Variants in P4HTM observed in about 807,000 individuals in gnomAD.
The protein encoded by P4HTM is prolyl 4-hydroxylase, transmembrane.
Under a neutral mutation model 55.3 loss-of-function variants are expected in P4HTM, and 33 were observed. That is an observed-to-expected ratio of 0.60 (90% CI 0.45 to 0.80). The LOEUF is 0.80. P4HTM is among the 30% of genes least tolerant of loss of function. P4HTM has a pLI of 0.00. For missense variants in P4HTM, 542 were observed against 696.5 expected (o/e 0.78, Z 2.50); for synonymous variants, 272 against 286.4 (o/e 0.95, Z 0.51).
intron 4 of P4HTM, 43 bp from the exon 5 acceptor site, chr3:49,004,055 C>G: frequency 6.5e-7 from 1 of 1,530,654 alleles, no homozygotes; most frequent in South Asian, 1.2e-5. Context: ...TGTTGCCTCC[C>G]AATATGGGCT....
chr3:48,993,413 C>A lies in P4HTM; in HGVS notation c.436+2499C>A, dbSNP rs181970159. Among the ~76,000 whole-genome samples, 300 of 152,192 alleles carry A rather than the reference C, an allele frequency of 2.0e-3. 2 individuals are homozygous for A. Among genetic ancestry groups the A allele is most frequent in the African/African-American group, 6.8e-3 (284 of 41,536 alleles). On this transcript the variant is annotated intron_variant, in intron 2 of 8. Transcript: ENST00000383729. ...GGAACTAATACTCACCCCATTACTA[C>A]TACACTACTAACGACTACTATGAAC... is the stretch of plus-strand genomic sequence containing the variant.
rs370271741 is a variant in P4HTM at position 48,990,520 on chromosome 3, C to T, written c.264C>T (p.Asp88=). The T allele has an allele frequency of 4.3e-5, 69 of 1,611,054 alleles. No individual in the cohort carries two copies. Among genetic ancestry groups the T allele is most frequent in the Non-Finnish European group, 5.5e-5 (65 of 1,179,398 alleles). ...TCTTCGTGCACTACAGCAACGGCGA[C>T]GAAAGCAGCGATCCCGGGCCCCAAC... ...LLLFVHYSNG[D]ESSDPGPQHR... The change falls in exon 1 of 9, where the codon GAC becomes GAT. Residue 88 remains aspartate, a synonymous_variant. Transcript: ENST00000383729. This position sits in a 1 kb window ranked among gnomAD's most constrained non-coding sequence, Gnocchi z 7.2.
chr3:48,995,272 T>C (rs1367108630), intron 2 of P4HTM, among the ~76,000 whole-genome samples: 1 of 152,174 alleles, frequency 6.6e-6, no homozygotes, highest in African/African-American at 2.4e-5. Flanking sequence ...AGGGCCTTTG[T>C]ATGTACTATT....
In P4HTM at chr3:48,990,724, C is replaced by A; in HGVS notation, c.355-109C>A. 6.8e-7 allele frequency: 1 copy of A among 1,472,824 alleles called. No homozygotes were observed. Among genetic ancestry groups the A allele is most frequent in the Non-Finnish European group, 9.2e-7 (1 of 1,090,020 alleles). 91.2% of individuals were successfully genotyped at this position (1,472,824 alleles called of 1,614,324 possible). On this transcript the variant is annotated intron_variant, in intron 1 of 8. Transcript: ENST00000383729. The surrounding 1 kb of genome is among the most constrained non-coding windows in gnomAD (Gnocchi z 7.2). The stretch of plus-strand genomic sequence containing the variant: ...CCGGCGCTGCTCTGCGTCGGTCCCG[C>A]GCGCTCCCACTCACTCGCCTGCTGT...
At chr3:48,995,378 G>A (rs978491015) in intron 2 of P4HTM, among the ~76,000 whole-genome samples, 1 of 152,270 alleles carries the variant, frequency 6.6e-6, no homozygotes, top group Non-Finnish European at 1.5e-5. Flanking sequence ...GAGACCTCTT[G>A]TCCTCAAACC....
In P4HTM at chr3:48,990,702, G is replaced by A; in HGVS notation, c.354+92G>A. 6.9e-7 allele frequency: 1 copy of A among 1,455,694 alleles called. No individual in the cohort carries two copies. The highest frequency in any genetic ancestry group is 9.2e-7 in the Non-Finnish European group (1 of 1,088,438). The allele number at this position is 1,455,694 out of a possible 1,614,324, so 90.2% of individuals were successfully genotyped here. A position where few individuals can be genotyped will look rare whatever the true frequency, so the allele number is the denominator to read the frequency against. ...AGCCCGGGTCCCCACGCTGCCCCCG[G>A]CGCTGCTCTGCGTCGGTCCCGCGCG... On this transcript the variant is annotated intron_variant, in intron 1 of 8. Coordinates refer to ENST00000383729, the MANE Select transcript of P4HTM (RefSeq NM_177939.3). The surrounding 1 kb of genome is among the most constrained non-coding windows in gnomAD (Gnocchi z 7.2).
upstream of P4HTM, chr3:48,990,212 C>G: frequency 7.0e-6 from 8 of 1,141,178 alleles, no homozygotes; most frequent in Non-Finnish European, 8.6e-6. The surrounding 1 kb of genome is among the most constrained non-coding windows in gnomAD (Gnocchi z 7.2). Context: ...GCAGCGCGGG[C>G]ACCCCCGCGG....
chr3:49,005,283 C>T, intron 6 of P4HTM: 1 of 1,449,106 alleles, frequency 6.9e-7, no homozygotes. Context: ...CCCACAGACA[C>T]CAAAACTTGC....
chr3:48,998,794 C>T (rs1017236613), intron 2 of P4HTM, among the ~76,000 whole-genome samples: 1 of 152,188 alleles, frequency 6.6e-6, no homozygotes, highest in Admixed American at 6.5e-5. Flanking sequence ...CACCCAGAGG[C>T]TCTTGGGAGA....
chr3:48,991,134 A>G, intron 2 of P4HTM: 1 of 547,394 alleles, frequency 1.8e-6, no homozygotes. Context: ...CAGGGCTGGC[A>G]GGGTGAGCCT....
At chr3:49,001,396 C>T in intron 2 of P4HTM, 42 bp from the exon 3 acceptor site, 3 of 1,599,158 alleles carry the variant, frequency 1.9e-6, no homozygotes, top group Non-Finnish European at 2.6e-6. Context: ...GCACCAGCGC[C>T]CTGGCTCAGT....
chr3:48,990,425 T>C lies in P4HTM; in HGVS notation c.169T>C (p.Ser57Pro), dbSNP rs774657716. The change falls in exon 1 of 9, where the codon TCG (serine) becomes CCG (proline). Residue 57 changes from serine to proline, a missense_variant. Coordinates refer to ENST00000383729, the MANE Select transcript of P4HTM (RefSeq NM_177939.3). This position sits in a 1 kb window ranked among gnomAD's most constrained non-coding sequence, Gnocchi z 7.2. ...GCTGTGCAAGCCCCGCGGCATCTGC[T>C]CGCGCGCCTACTTCCTGGTGCTGAT... ...RPLCKPRGICSRAYFLVLMVF... is the reference protein window; with the variant it reads ...RPLCKPRGICPRAYFLVLMVF... 3 of 1,607,050 alleles carry C rather than the reference T, an allele frequency of 1.9e-6. No homozygotes were observed. Among genetic ancestry groups the C allele is most frequent in the Non-Finnish European group, 1.7e-6 (2 of 1,178,812 alleles).
At chr3:48,993,859 CA>C (rs60867672) in intron 2 of P4HTM, among the ~76,000 whole-genome samples, 1,351 of 43,776 alleles carry the variant, frequency 0.031, 7 homozygotes, top group East Asian at 0.058. Context: ...GACTCCATCA[CA>C]AAAAAAAAAA....
In P4HTM at chr3:49,001,493, G is replaced by A; in HGVS notation, c.492G>A (p.Gln164=). ...EECRLIIHLA[Q]MKGLQRSQIL... is the part of the protein sequence containing the mutation. ...GTCGGCTCATCATCCATCTGGCGCA[G>A]ATGAAGGGGTTACAGCGCAGCCAGA... The change falls in exon 3 of 9, where the codon CAG becomes CAA. Residue 164 remains glutamine (Q), a synonymous_variant. Transcript: ENST00000383729. 1 of 1,613,968 alleles carries A rather than the reference G, an allele frequency of 6.2e-7. No homozygotes were observed. Among genetic ancestry groups the A allele is most frequent in the Non-Finnish European group, 8.5e-7 (1 of 1,180,044 alleles).
chr3:48,995,731 G>A (rs566315842), intron 2 of P4HTM, among the ~76,000 whole-genome samples: 1 of 152,036 alleles, frequency 6.6e-6, no homozygotes, highest in Non-Finnish European at 1.5e-5. Flanking sequence ...AATTACAGGC[G>A]CCTGCCACCA....
rs202145334 is a variant in P4HTM at position 49,006,935 on chromosome 3, G to T, written c.*28G>T. On this transcript the variant is annotated 3_prime_UTR_variant, in exon 9 of 9. Transcript: ENST00000383729. Reference sequence around the variant, plus strand: ...GAAGAGTTAGCCCCGGTTCCCAGCCGCGGGTCGCCAGTTGCCCAAGATCAG... The same window carrying T: ...GAAGAGTTAGCCCCGGTTCCCAGCCTCGGGTCGCCAGTTGCCCAAGATCAG... 5.5e-5 allele frequency: 87 copies of T among 1,578,686 alleles called. 1 individual carries two copies. The East Asian group carries it at 1.1e-3, about 20-fold the overall frequency.
chr3:48,995,238 A>C (rs1311689132), intron 2 of P4HTM, among the ~76,000 whole-genome samples: 1 of 152,106 alleles, frequency 6.6e-6, no homozygotes, highest in Admixed American at 6.6e-5. Flanking sequence ...TGATCCTCAG[A>C]CACCACAAGC....
Position 49,007,144 on chromosome 3 carries a change from G to C in P4HTM, c.*237G>C, listed in dbSNP as rs912834172. 19 of 736,050 alleles carry C rather than the reference G, an allele frequency of 2.6e-5. 1 individual carries two copies. In the South Asian group the frequency reaches 3.6e-4, roughly 14 times the overall value. The allele number at this position is 736,050 out of a possible 1,614,324, so 45.6% of individuals were successfully genotyped here. On this transcript the variant is annotated 3_prime_UTR_variant, in exon 9 of 9. Transcript: ENST00000383729. This position sits in a 1 kb window ranked among gnomAD's most constrained non-coding sequence, Gnocchi z 5.1. ...GCCGGGCCCGACAAACTCCGGGTCG[G>C]CGAAACAGAGTCCGCGATAGGTGCA... is the stretch of plus-strand genomic sequence containing the variant.
intron 2 of P4HTM, chr3:48,998,127 T>C (rs2092951028): frequency 6.6e-6 from 1 of 152,216 alleles, no homozygotes; most frequent in South Asian, 2.1e-4. Flanking sequence ...ATGATTTGAA[T>C]GATTTGAAAG....
Sources: gnomAD v4.1 joint callset for allele counts (sites outside exome capture counted in the v4.1 genomes callset) on GRCh38, gnomAD v4.1.1 for gene constraint, Gnocchi (gnomAD v3.1) non-coding constraint, MANE v1.5 for transcripts, NCBI Gene and HGNC (gene_info 2026-07-23, HGNC 2026-07-21) for gene names.